The following CEP128 variants were observed in gnomAD, a reference collection of about 807,000 sequenced individuals.
CEP128 encodes the protein centrosomal protein 128.
Under a neutral mutation model 156.7 loss-of-function variants are expected in CEP128, and 132 were observed. The ratio of observed to expected loss-of-function variants is 0.84; its 90% confidence interval spans 0.73 to 0.97. The LOEUF is 0.97. Among genes scored for constraint, CEP128 ranks in the 50% least tolerant of loss-of-function variants. CEP128 has a pLI of 0.00. For missense variants in CEP128, 1,252 were observed against 1,281.9 expected (o/e 0.98, Z 0.36); for synonymous variants, 469 against 448.9 (o/e 1.04, Z -0.57).
chr14:80,572,369 T>C (rs1891176674), intron 20 of CEP128, among the ~76,000 whole-genome samples: 1 of 152,218 alleles, frequency 6.6e-6, no homozygotes, highest in South Asian at 2.1e-4. Flanking sequence ...AAAGGTATTA[T>C]TGCTGAGCAT....
At chr14:80,955,752 T>C in intron 2 of CEP128, 19 of 1,614,148 alleles carry the variant, frequency 1.2e-5, no homozygotes, top group Non-Finnish European at 1.5e-5. Flanking sequence ...GAATGGGGTG[T>C]TCGTCTCCAC....
rs1887528041 is a variant in CEP128 at position 80,497,186 on chromosome 14, T to C, written c.*293A>G. 1 of 196,822 alleles carries C rather than the reference T, an allele frequency of 5.1e-6. No individual in the cohort carries two copies. 12.2% of individuals were successfully genotyped at this position (196,822 alleles called of 1,614,324 possible). ...GAAATCCAAATTTTGGTTGGGAAAA[T>C]GTGACTGACCACACTTGAAAAAGGA... is the stretch of plus-strand genomic sequence containing the variant. On this transcript the variant is annotated 3_prime_UTR_variant, in exon 25 of 25. Coordinates refer to ENST00000555265, the MANE Select transcript of CEP128 (RefSeq NM_152446.5).
At chr14:80,495,498 A>C (rs1189524067), downstream of CEP128, among the ~76,000 whole-genome samples, 2 of 152,142 alleles carry the variant, frequency 1.3e-5, no homozygotes, top group African/African-American at 2.4e-5. Flanking sequence ...CAACAGTAGC[A>C]CAGAGCATTC....
chr14:80,840,179 C>G (rs967087460), intron 10 of CEP128, among the ~76,000 whole-genome samples: 1 of 152,102 alleles, frequency 6.6e-6, no homozygotes, highest in Non-Finnish European at 1.5e-5. Context: ...GTTGTTTGGC[C>G]TCTGAATTCC....
intron 9 of CEP128, among the ~76,000 whole-genome samples, chr14:80,851,560 C>T (rs1277790201): frequency 6.6e-6 from 1 of 151,694 alleles, no homozygotes; most frequent in East Asian, 1.9e-4. Flanking sequence ...ATATAATCTA[C>T]AGCTCCAAAG....
At chr14:80,480,365 C>T (rs1029038198) in intron 14 of CEP128, among the ~76,000 whole-genome samples, 10 of 152,124 alleles carry the variant, frequency 6.6e-5, no homozygotes, top group African/African-American at 1.4e-4. Flanking sequence ...TCTATGTACC[C>T]GCAGGCTCAA....
intron 6 of CEP128, among the ~76,000 whole-genome samples, chr14:80,901,565 A>G (rs763015661): frequency 1.4e-4 from 22 of 152,250 alleles, no homozygotes; most frequent in Non-Finnish European, 2.5e-4. Context: ...TTAATGAGGA[A>G]GAACCATAAA....
intron 20 of CEP128, among the ~76,000 whole-genome samples, chr14:80,580,157 T>C (rs1891524484): frequency 6.6e-6 from 1 of 152,196 alleles, no homozygotes; most frequent in Non-Finnish European, 1.5e-5. Context: ...AGGAATAAAA[T>C]TTCCTATCAA....
intron 13 of CEP128, among the ~76,000 whole-genome samples, chr14:80,798,719 A>G (rs1027603204): frequency 3.3e-5 from 5 of 152,242 alleles, no homozygotes; most frequent in African/African-American, 1.2e-4. Flanking sequence ...CCTGCATTTA[A>G]AACATTTTCC....
At chr14:80,820,264 G>A (rs1885093342) in intron 13 of CEP128, among the ~76,000 whole-genome samples, 1 of 152,174 alleles carries the variant, frequency 6.6e-6, no homozygotes, top group African/African-American at 2.4e-5. Flanking sequence ...CCTTTTGGTA[G>A]AATGGATTTG....
chr14:80,592,035 T>G (rs956213066), intron 19 of CEP128, among the ~76,000 whole-genome samples: 1 of 152,180 alleles, frequency 6.6e-6, no homozygotes, highest in Admixed American at 6.5e-5. Context: ...TAGCACTAAA[T>G]GCCCACAAGA....
chr14:80,800,127 G>A (rs939466549), intron 13 of CEP128, among the ~76,000 whole-genome samples: 7 of 152,108 alleles, frequency 4.6e-5, no homozygotes, highest in Admixed American at 3.3e-4. Context: ...TAGTCCTACC[G>A]ATATGTGATG....
chr14:80,563,191 A>C (rs1220788108), intron 20 of CEP128, among the ~76,000 whole-genome samples: 2 of 151,862 alleles, frequency 1.3e-5, no homozygotes, highest in African/African-American at 4.8e-5. Context: ...CTTCCAAACC[A>C]CCAATCCCTG....
chr14:80,489,824 T>TA (rs1273861151), downstream of CEP128, among the ~76,000 whole-genome samples: 3 of 151,556 alleles, frequency 2.0e-5, no homozygotes, highest in Non-Finnish European at 4.4e-5. Flanking sequence ...TTACCACACT[T>TA]ACCACCTCCT....
intron 21 of CEP128, among the ~76,000 whole-genome samples, chr14:80,532,099 C>T (rs1392711271): frequency 2.0e-5 from 3 of 152,046 alleles, no homozygotes; most frequent in African/African-American, 7.2e-5. Flanking sequence ...ATATATAATA[C>T]CTACCCTGAG....
intron 19 of CEP128, among the ~76,000 whole-genome samples, chr14:80,647,011 ATGTGTGTG>A (rs1224785096): frequency 0.12 from 8,834 of 71,770 alleles, 1,374 homozygotes; most frequent in Non-Finnish European, 0.21. Context: ...ATATATATAT[ATGTGTGTG>A]TATATATATG....
chr14:80,887,277 C>T (rs1012112780), intron 8 of CEP128, among the ~76,000 whole-genome samples: 1 of 152,108 alleles, frequency 6.6e-6, no homozygotes, highest in African/African-American at 2.4e-5. Context: ...ACCAAGTAGA[C>T]CTAATAGGTA....
chr14:80,959,291 C>T (rs1886890348), intron 1 of CEP128: 1 of 152,162 alleles, frequency 6.6e-6, no homozygotes, highest in South Asian at 2.1e-4. Context: ...AAAAATCACT[C>T]TCTTCCATTG....
intron 8 of CEP128, among the ~76,000 whole-genome samples, chr14:80,865,132 C>T (rs566363775): frequency 5.3e-5 from 8 of 152,210 alleles, no homozygotes; most frequent in South Asian, 2.1e-4. Flanking sequence ...TCTGCTTCTA[C>T]GAACTAGACT....
Sources: gnomAD v4.1 joint callset for allele counts (sites outside exome capture counted in the v4.1 genomes callset) on GRCh38, gnomAD v4.1.1 for gene constraint, MANE v1.5 for transcripts, NCBI Gene and HGNC (gene_info 2026-07-23, HGNC 2026-07-21) for gene names.